Variants in LGSN observed in about 807,000 individuals in gnomAD.
LGSN encodes lengsin.
LGSN carries 21 observed loss-of-function variants against 19.5 expected under a neutral mutation model. The ratio of observed to expected loss-of-function variants is 1.07; its 90% CI spans 0.76 to 1.55. The LOEUF is 1.55. Ranked by LOEUF, LGSN falls within the 40% of genes most tolerant of loss-of-function variation. The probability of loss-of-function intolerance (pLI) is 0.00; values close to 1 mark genes in which losing one functional copy is unlikely to be tolerated. For missense variants in LGSN, 673 were observed against 608.5 expected (o/e 1.11, Z -1.12); for synonymous variants, 257 against 215.6 (o/e 1.19, Z -1.68).
the LGSN span, among the ~76,000 whole-genome samples, chr6:63,332,804 T>C: frequency 6.6e-6 from 1 of 152,068 alleles, no homozygotes; most frequent in East Asian, 1.9e-4. Flanking sequence ...TGCTTGGCGA[T>C]TGTCTCACCA....
At chr6:63,457,193 A>C in the LGSN span, among the ~76,000 whole-genome samples, 1 of 152,114 alleles carries the variant, frequency 6.6e-6, no homozygotes, top group Non-Finnish European at 1.5e-5. Flanking sequence ...CATCTTGTAG[A>C]TATATTTCTA....
the LGSN span, chr6:63,573,542 G>T: frequency 6.6e-6 from 1 of 152,226 alleles, no homozygotes; most frequent in South Asian, 2.1e-4. Context: ...ACAGCCGCGT[G>T]CGCGGGGCGG....
chr6:63,438,076 G>A, the LGSN span, among the ~76,000 whole-genome samples: 1 of 151,960 alleles, frequency 6.6e-6, no homozygotes, highest in Non-Finnish European at 1.5e-5. Context: ...AGACTATTTG[G>A]CATTTCTTAC....
the LGSN span, among the ~76,000 whole-genome samples, chr6:63,486,930 G>A: frequency 6.6e-6 from 1 of 151,704 alleles, no homozygotes; most frequent in South Asian, 2.1e-4. Flanking sequence ...CCACCTCCCG[G>A]GTTCCAGTGA....
the LGSN span, among the ~76,000 whole-genome samples, chr6:63,475,169 G>A: frequency 6.6e-6 from 1 of 152,026 alleles, no homozygotes; most frequent in Non-Finnish European, 1.5e-5. Context: ...GCTATAAAAT[G>A]CATTTACAAA....
At chr6:63,325,277 T>A in the LGSN span, among the ~76,000 whole-genome samples, 1 of 151,864 alleles carries the variant, frequency 6.6e-6, no homozygotes, top group Non-Finnish European at 1.5e-5. Context: ...AGATAGAAAC[T>A]AATAAAATAA....
chr6:63,498,433 G>A, the LGSN span, among the ~76,000 whole-genome samples: 8 of 152,038 alleles, frequency 5.3e-5, no homozygotes, highest in Non-Finnish European at 1.2e-4. Flanking sequence ...ATTTGTAACA[G>A]AGCACTCATG....
chr6:63,541,026 A>AAAGGAAGG, the LGSN span, among the ~76,000 whole-genome samples: 162 of 146,576 alleles, frequency 1.1e-3, 2 homozygotes, highest in East Asian at 2.7e-3. Flanking sequence ...GGGAATGAAG[A>AAAGGAAGG]AAGGAAGGAA....
At chr6:63,295,907 A>G (rs1201976184) in intron 1 of LGSN, among the ~76,000 whole-genome samples, 3 of 152,180 alleles carry the variant, frequency 2.0e-5, no homozygotes, top group Non-Finnish European at 4.4e-5. Flanking sequence ...AACCCCTCAT[A>G]GTGGTTTGAG....
At chr6:63,485,894 AATTTTTTGT>A in the LGSN span, among the ~76,000 whole-genome samples, 1 of 151,878 alleles carries the variant, frequency 6.6e-6, no homozygotes, top group African/African-American at 2.4e-5. Flanking sequence ...ATGCCCAGCT[AATTTTTTGT>A]ATTTTTAGTA....
the LGSN span, among the ~76,000 whole-genome samples, chr6:63,357,260 C>T: frequency 9.2e-5 from 14 of 152,102 alleles, no homozygotes; most frequent in African/African-American, 3.1e-4. Context: ...GGTTCCAAGA[C>T]TTTGCTATTG....
At chr6:63,535,455 G>A in the LGSN span, among the ~76,000 whole-genome samples, 13,220 of 152,022 alleles carry the variant, frequency 0.087, 615 homozygotes, top group East Asian at 0.16. Flanking sequence ...GCAACAGAGC[G>A]AGACTCTGTC....
chr6:63,512,633 G>T, the LGSN span, among the ~76,000 whole-genome samples: 41 of 152,286 alleles, frequency 2.7e-4, no homozygotes, highest in African/African-American at 9.4e-4. Flanking sequence ...GATTAGCTTA[G>T]ATCAATTAAG....
chr6:63,301,938 G>A (rs927276516), intron 1 of LGSN, among the ~76,000 whole-genome samples: 2 of 152,082 alleles, frequency 1.3e-5, no homozygotes, highest in East Asian at 1.9e-4. Context: ...TATTTTGATA[G>A]TGTTTAAAAC....
chr6:63,399,122 C>T, the LGSN span, among the ~76,000 whole-genome samples: 1 of 151,676 alleles, frequency 6.6e-6, no homozygotes, highest in African/African-American at 2.4e-5. Context: ...TTTTTTTAAT[C>T]TTTTACGCCA....
the LGSN span, among the ~76,000 whole-genome samples, chr6:63,526,632 A>G: frequency 4.0e-5 from 6 of 151,300 alleles, no homozygotes; most frequent in African/African-American, 1.5e-4. Flanking sequence ...CCATGGTGAA[A>G]CCCTGTCTCT....
At chr6:63,359,870 T>A in the LGSN span, among the ~76,000 whole-genome samples, 7 of 152,224 alleles carry the variant, frequency 4.6e-5, no homozygotes, top group African/African-American at 1.7e-4. Flanking sequence ...GGTGACAAAA[T>A]CTCTCAGCAT....
At chr6:63,348,821 C>A in the LGSN span, among the ~76,000 whole-genome samples, 8 of 147,606 alleles carry the variant, frequency 5.4e-5, no homozygotes, top group Non-Finnish European at 1.2e-4. Context: ...GAAATCTTGG[C>A]CTGAAGCAAT....
the LGSN span, chr6:63,441,922 CAGAATGAAGCTGCGGACCCT>C: frequency 2.1e-5 from 5 of 238,098 alleles, no homozygotes; most frequent in Non-Finnish European, 4.1e-5. Flanking sequence ...TGCTGACTTC[CAGAATGAAGCTGCGGACCCT>C]CGCGGTGAGT....
Sources: allele counts gnomAD v4.1 joint callset (sites outside exome capture counted in the v4.1 genomes callset), GRCh38; gene constraint gnomAD v4.1.1; transcripts MANE v1.5; gene names NCBI Gene and HGNC (gene_info 2026-07-23, HGNC 2026-07-21).